FAM200A: variants seen among roughly 807,000 people sequenced by gnomAD.
FAM200A encodes protein FAM200A.
FAM200A carries 26 observed loss-of-function variants against 44.2 expected under a neutral mutation model. The observed-to-expected ratio is 0.59, with a 90% CI of 0.43 to 0.82. The LOEUF is 0.82. FAM200A is among the 40% of genes least tolerant of loss of function. The pLI, the probability that FAM200A is intolerant of heterozygous loss-of-function variation, is 0.00. For missense variants in FAM200A, 606 were observed against 669.5 expected, an observed-to-expected ratio of 0.91 and a Z score of 1.05; for synonymous variants, 206 against 244.4, an observed-to-expected ratio of 0.84 and a Z score of 1.47.
rs1463636485 is a variant in FAM200A at position 99,547,739 on chromosome 7, TCTG to T, written c.666_668del (p.Ser222del). The T allele has an allele frequency of 4.5e-6, 7 of 1,551,570 alleles. No individual in the cohort carries two copies. The highest frequency in any genetic ancestry group is 6.1e-6 in the Non-Finnish European group (7 of 1,146,986). ...TTGCTTCTAACAATTTTTCAGTAAG[TCTG>T]CTGTGTTTTCCGGTCATATTTGCTG... On this transcript the variant is annotated inframe_deletion, in exon 2 of 2. Coordinates refer to ENST00000449309, the MANE Select transcript of FAM200A (RefSeq NM_145111.4).
At chr7:99,553,399 T>G (rs1169982357), upstream of FAM200A, among the ~76,000 whole-genome samples, 1 of 152,066 alleles carries the variant, frequency 6.6e-6, no homozygotes, top group East Asian at 1.9e-4. Context: ...TGACTGGGTA[T>G]ATGATTTTGT....
At chr7:99,553,783 T>C (rs1584228447), upstream of FAM200A, among the ~76,000 whole-genome samples, 2 of 152,326 alleles carry the variant, frequency 1.3e-5, no homozygotes, top group African/African-American at 4.8e-5. Context: ...AGGCATTACA[T>C]CTTAATCGCA....
rs1334676226 is a variant in FAM200A, at chr7:99,547,192, T to C, written c.1216A>G (p.Ile406Val). 4.2e-5 allele frequency: 65 copies of C among 1,548,964 alleles called. No individual in the cohort carries two copies. The highest frequency in any genetic ancestry group is 1.7e-4 in the Middle Eastern group (1 of 5,996). ...TCTTCATTAATAATGTTCTCTTCGATGTGTTGCAATAATGTTGGAAACATA... is the reference window on the plus strand; with the variant it reads ...TCTTCATTAATAATGTTCTCTTCGACGTGTTGCAATAATGTTGGAAACATA... Reference protein sequence around the residue: ...YYMFPTLLQHIEENIINEDCL... With the variant: ...YYMFPTLLQHVEENIINEDCL... The change falls in exon 2 of 2, where the codon ATC (isoleucine) becomes GTC (valine). Residue 406 changes from isoleucine to valine, a missense_variant. Physicochemically the swap from Ile to Val is conservative, Grantham distance 29. Coordinates refer to ENST00000449309, the MANE Select transcript of FAM200A (RefSeq NM_145111.4).
intron 1 of FAM200A, among the ~76,000 whole-genome samples, chr7:99,549,952 G>T (rs1288994943): frequency 6.6e-6 from 1 of 152,132 alleles, no homozygotes; most frequent in Non-Finnish European, 1.5e-5. Flanking sequence ...TAATGTAAAT[G>T]ATGAGTTAAC....
At chr7:99,553,070 C>CATATATATATATATAT (rs1178743418), upstream of FAM200A, among the ~76,000 whole-genome samples, 7 of 74,042 alleles carry the variant, frequency 9.5e-5, no homozygotes, top group South Asian at 5.6e-4. Flanking sequence ...TATACACACA[C>CATATATATATATATAT]ATATATATAT....
chr7:99,553,062 TACACAC>T (rs1206039971), upstream of FAM200A, among the ~76,000 whole-genome samples: 9 of 100,286 alleles, frequency 9.0e-5, no homozygotes, highest in East Asian at 3.0e-4. Context: ...TATATATATA[TACACAC>T]ACATATATAT....
chr7:99,550,749 T>C (rs1345260420), intron 1 of FAM200A, among the ~76,000 whole-genome samples: 1 of 152,028 alleles, frequency 6.6e-6, no homozygotes, highest in Non-Finnish European at 1.5e-5. Context: ...CTCCCACAAC[T>C]GAAAACCCCC....
Position 99,548,054 on chromosome 7 carries a change from T to A in FAM200A, c.354A>T (p.Arg118=). The A allele has an allele frequency of 6.4e-7, 1 of 1,551,630 alleles. No individual in the cohort carries two copies. Among genetic ancestry groups the A allele is most frequent in the East Asian group, 2.4e-5 (1 of 40,922 alleles). ...IPLSDNTISR[R]ICTIAKHLEA... Reference sequence around the variant, plus strand: ...CCAAATGTTTTGCAATCGTACAGATTCGACGAGATATTGTATTATCACTAA... The same window carrying A: ...CCAAATGTTTTGCAATCGTACAGATACGACGAGATATTGTATTATCACTAA... The change falls in exon 2 of 2, where the codon CGA becomes CGT. Residue 118 remains arginine (R), a synonymous_variant. Coordinates refer to ENST00000449309, the MANE Select transcript of FAM200A (RefSeq NM_145111.4).
intron 1 of FAM200A, among the ~76,000 whole-genome samples, chr7:99,557,719 C>T (rs1296717519): frequency 6.6e-6 from 1 of 152,190 alleles, no homozygotes; most frequent in African/African-American, 2.4e-5. Flanking sequence ...GAAGCTGATA[C>T]ATTTTGAAAA....
At chr7:99,549,963 G>A (rs1207267495) in intron 1 of FAM200A, among the ~76,000 whole-genome samples, 1 of 151,896 alleles carries the variant, frequency 6.6e-6, no homozygotes, top group East Asian at 1.9e-4. Flanking sequence ...ATGAGTTAAC[G>A]GGTGCAGCAC....
rs575284891 is a variant in FAM200A, at chr7:99,547,630, C to A, written c.778G>T (p.Val260Leu). 4.5e-6 allele frequency: 7 copies of A among 1,551,260 alleles called. 1 individual carries two copies. In the South Asian group the frequency reaches 7.2e-5, roughly 16 times the overall value. Residue 260 changes from valine (V) to leucine (L), a missense_variant, in exon 2 of 2, where the codon GTA (valine) becomes TTA (leucine). Coordinates refer to ENST00000449309, the MANE Select transcript of FAM200A (RefSeq NM_145111.4). ...ACAGTTTTCACTGCATTTTTCAATA[C>A]ATCCATCAGACTTGGTGAAATTTCT... ...SKEISPSLMD[V>L]LKNAVKTVNF...
intron 1 of FAM200A, among the ~76,000 whole-genome samples, chr7:99,549,563 G>C (rs937760070): frequency 6.6e-6 from 1 of 152,112 alleles, no homozygotes; most frequent in African/African-American, 2.4e-5. Context: ...ATACCCAAAG[G>C]ATTATAAATC....
intron 1 of FAM200A, 116 bp from the exon 2 acceptor site, chr7:99,548,622 A>G: frequency 1.2e-6 from 1 of 864,008 alleles, no homozygotes; most frequent in Non-Finnish European, 1.7e-6. Context: ...AATGATGAGC[A>G]ACTGTCATTC....
chr7:99,553,202 T>C (rs1157084749), upstream of FAM200A, among the ~76,000 whole-genome samples: 1 of 149,854 alleles, frequency 6.7e-6, no homozygotes, highest in Non-Finnish European at 1.5e-5. Context: ...GATGACATCA[T>C]AGTCTCAACT....
rs1229450675 is a variant in FAM200A, at chr7:99,548,003, C to T, written c.405G>A (p.Gln135=). The change falls in exon 2 of 2, where the codon CAG becomes CAA. Residue 135 remains glutamine, a synonymous_variant. Coordinates refer to ENST00000449309, the MANE Select transcript of FAM200A (RefSeq NM_145111.4). ...HLEAMLITRL[Q]SGIDFAIQLD... ...GTTGGATTGCAAAGTCTATACCGGA[C>T]TGCAGCCGTGTAATAAGCATTGCTT... The T allele has an allele frequency of 1.3e-6, 2 of 1,551,522 alleles. No individual in the cohort carries two copies. Among genetic ancestry groups the T allele is most frequent in the South Asian group, 2.4e-5 (2 of 84,046 alleles).
chr7:99,553,984 G>C (rs975091070), upstream of FAM200A, among the ~76,000 whole-genome samples: 5 of 152,206 alleles, frequency 3.3e-5, no homozygotes, highest in African/African-American at 1.2e-4. Flanking sequence ...GGTGCTGCTG[G>C]AGGCAAAGTA....
Position 99,548,274 on chromosome 7 carries a change from G to A in FAM200A, c.134C>T (p.Ser45Leu). 1 of 1,614,094 alleles carries A rather than the reference G, an allele frequency of 6.2e-7. No homozygotes were observed. The highest frequency in any genetic ancestry group is 8.5e-7 in the Non-Finnish European group (1 of 1,179,986). The change falls in exon 2 of 2, where the codon TCA becomes TTA. Residue 45 changes from serine to leucine, a missense_variant. Coordinates refer to ENST00000449309, the MANE Select transcript of FAM200A (RefSeq NM_145111.4). ...HFQKERNKVE[S>L]SPQVLSRSTT... The stretch of plus-strand genomic sequence containing the variant: ...AGAGCGACTGAGAACTTGTGGCGAT[G>A]ACTCTACTTTGTTTCTTTCCTTTTG...
chr7:99,548,463 C>T lies in FAM200A; in HGVS notation c.-56G>A. On this transcript the variant is annotated 5_prime_UTR_variant, in exon 2 of 2. Transcript: ENST00000449309. Reference sequence around the variant, plus strand: ...TCCAAATAGGGTCTGTTTTGCAGGGCTGTCCTTTGTGACCTAGGTTTTATG... The same window carrying T: ...TCCAAATAGGGTCTGTTTTGCAGGGTTGTCCTTTGTGACCTAGGTTTTATG... 1 of 1,560,750 alleles carries T rather than the reference C, an allele frequency of 6.4e-7. No individual in the cohort carries two copies. The highest frequency in any genetic ancestry group is 8.6e-7 in the Non-Finnish European group (1 of 1,156,346).
At chr7:99,552,273 C>CG, upstream of FAM200A, 1 of 636,600 alleles carries the variant, frequency 1.6e-6, no homozygotes, top group Non-Finnish European at 2.0e-6. Flanking sequence ...GTGCACAGGG[C>CG]GGGGAAAAAG....
Sources: allele counts gnomAD v4.1 joint callset (sites outside exome capture counted in the v4.1 genomes callset), GRCh38; gene constraint gnomAD v4.1.1; transcripts MANE v1.5; gene names NCBI Gene and HGNC (gene_info 2026-07-23, HGNC 2026-07-21).